Variants in CLRN1 observed in about 807,000 individuals in gnomAD.
CLRN1 encodes clarin-1.
In CLRN1, 15 loss-of-function variants were observed where a neutral mutation model predicts 18.7. The ratio of observed to expected loss-of-function variants is 0.80; its 90% CI spans 0.54 to 1.23. CLRN1 has a LOEUF of 1.23. Among genes scored for constraint, CLRN1 ranks in the 50% most tolerant of loss-of-function variants. The pLI, the probability that CLRN1 is intolerant of heterozygous loss-of-function variation, is 0.00. For missense variants in CLRN1, 311 were observed against 277.5 expected (o/e 1.12, Z -0.86); for synonymous variants, 104 against 102.9 (o/e 1.01, Z -0.07).
chr3:150,933,058 C>T (rs1320901557), intron 2 of CLRN1, among the ~76,000 whole-genome samples: 2 of 152,172 alleles, frequency 1.3e-5, no homozygotes, highest in Non-Finnish European at 2.9e-5. Context: ...CAATGTTTAT[C>T]TAATTTGAAT....
intron 2 of CLRN1, among the ~76,000 whole-genome samples, chr3:150,934,765 C>T (rs977154489): frequency 6.6e-6 from 1 of 152,146 alleles, no homozygotes; most frequent in African/African-American, 2.4e-5. Flanking sequence ...ATACTCAGCT[C>T]CCTCTTTTTT....
intron 1 of CLRN1, among the ~76,000 whole-genome samples, chr3:150,962,131 C>A (rs1209512773): frequency 2.6e-5 from 4 of 152,178 alleles, no homozygotes; most frequent in Non-Finnish European, 5.9e-5. Context: ...TAACAGGACC[C>A]ATTTAACTGC....
intron 2 of CLRN1, among the ~76,000 whole-genome samples, chr3:150,937,102 A>G (rs992564119): frequency 6.6e-6 from 1 of 152,190 alleles, no homozygotes; most frequent in Admixed American, 6.6e-5. Context: ...GATTTTTAAA[A>G]GGTGTCTGAT....
chr3:150,954,866 T>C (rs1714661645), intron 1 of CLRN1, among the ~76,000 whole-genome samples: 1 of 152,230 alleles, frequency 6.6e-6, no homozygotes, highest in African/African-American at 2.4e-5. Flanking sequence ...AAACTGAACA[T>C]AGACTTAACA....
At chr3:150,929,275 G>T (rs1417532570) in intron 2 of CLRN1, among the ~76,000 whole-genome samples, 6 of 152,198 alleles carry the variant, frequency 3.9e-5, no homozygotes, top group South Asian at 2.1e-4. Flanking sequence ...TCTGGTGAGT[G>T]TCTCCCCCGA....
At position 150,941,684 on chromosome 3, in the gene CLRN1, A is replaced by T. The variant is rs2107951195; in HGVS notation, c.331T>A (p.Leu111Ile). The T allele has an allele frequency of 6.2e-7, 1 of 1,614,072 alleles. No homozygotes were observed. The highest frequency in any genetic ancestry group is 1.7e-5 in the Admixed American group (1 of 60,022). ...VILFSAILIVLTMVGTAFFMY... is the reference protein window; with the variant it reads ...VILFSAILIVITMVGTAFFMY... ...AAGAAGGCTGTCCCCACCATGGTTA[A>T]CACAATAAGGATGGCAGAGAAGAGA... The change falls in exon 2 of 3, where the codon TTA becomes ATA. Residue 111 changes from leucine to isoleucine, a missense_variant. Coordinates refer to ENST00000327047, the MANE Select transcript of CLRN1 (RefSeq NM_174878.3).
chr3:150,964,562 C>A (rs915152826), intron 1 of CLRN1, among the ~76,000 whole-genome samples: 1 of 152,136 alleles, frequency 6.6e-6, no homozygotes, highest in Admixed American at 6.5e-5. Context: ...TGGGTCTATA[C>A]CCAAAGGATT....
chr3:150,942,520 T>C (rs767520109), intron 1 of CLRN1: 75 of 418,018 alleles, frequency 1.8e-4, no homozygotes, highest in Non-Finnish European at 3.2e-4. Context: ...CCCAAACATG[T>C]ATCAAGTGCT....
chr3:150,962,802 T>C (rs1715097288), intron 1 of CLRN1, among the ~76,000 whole-genome samples: 1 of 152,210 alleles, frequency 6.6e-6, no homozygotes, highest in South Asian at 2.1e-4. Flanking sequence ...AACCCAAAGA[T>C]TGATCATAAG....
rs113531568 is a variant in CLRN1 at position 150,969,111 on chromosome 3, G to GA, written c.253+3344dup. Among the ~76,000 whole-genome samples the GA allele has an allele frequency of 3.3e-3, 447 of 136,632 alleles. 2 individuals are homozygous for GA. Among genetic ancestry groups the GA allele is most frequent in the South Asian group, 7.3e-3 (32 of 4,374 alleles). 89.6% of individuals were successfully genotyped at this position (136,632 alleles called of 152,430 possible). The stretch of plus-strand genomic sequence containing the variant: ...CTCTAGATTTCCAAGACAGCGTCAA[G>GA]AAAAAAAAAAACAATGTAAAACATC... On this transcript the variant is annotated intron_variant, in intron 1 of 2. Coordinates refer to ENST00000327047, the MANE Select transcript of CLRN1 (RefSeq NM_174878.3).
chr3:150,961,190 G>A (rs975640009), intron 1 of CLRN1, among the ~76,000 whole-genome samples: 1 of 152,116 alleles, frequency 6.6e-6, no homozygotes, highest in Non-Finnish European at 1.5e-5. Context: ...CCTCCTCCTT[G>A]TGGCTTCTGC....
intron 1 of CLRN1, among the ~76,000 whole-genome samples, chr3:150,942,222 G>T (rs2107952301): frequency 6.6e-6 from 1 of 152,056 alleles, no homozygotes; most frequent in Middle Eastern, 3.4e-3. Flanking sequence ...ATTGTTTCTA[G>T]TCTACACCAA....
chr3:150,972,780 C>G, upstream of CLRN1: 1 of 1,600,262 alleles, frequency 6.2e-7, no homozygotes, highest in Non-Finnish European at 8.5e-7. Context: ...GGGACTGCCT[C>G]TTTGACTGCA....
chr3:150,940,279 T>C (rs1020201492), intron 2 of CLRN1, among the ~76,000 whole-genome samples: 4 of 152,174 alleles, frequency 2.6e-5, no homozygotes, highest in African/African-American at 7.2e-5. Flanking sequence ...CTACATTGGA[T>C]GGGTGAATAA....
In CLRN1 at chr3:150,953,392, T is replaced by C. The variant is rs573181561; in HGVS notation, c.254-11631A>G. Among the ~76,000 whole-genome samples, 26 of 152,238 alleles carry C rather than the reference T, an allele frequency of 1.7e-4. No homozygotes were observed. In the East Asian group the frequency reaches 4.8e-3, roughly 28 times the overall value. ...TTCACTCTGAGTCAATGTGTCTCGGTCTCCTCATACTTAAACCATCCCAGA... is the reference window on the plus strand; with the variant it reads ...TTCACTCTGAGTCAATGTGTCTCGGCCTCCTCATACTTAAACCATCCCAGA... On this transcript the variant is annotated intron_variant, in intron 1 of 2. Transcript: ENST00000327047.
intron 1 of CLRN1, among the ~76,000 whole-genome samples, chr3:150,967,000 C>A (rs1325043672): frequency 6.6e-6 from 1 of 152,200 alleles, no homozygotes; most frequent in African/African-American, 2.4e-5. Flanking sequence ...GATGCAAGAA[C>A]TGAAAATCAA....
chr3:150,960,251 A>G (rs1178351723), intron 1 of CLRN1, among the ~76,000 whole-genome samples: 1 of 152,186 alleles, frequency 6.6e-6, no homozygotes, highest in Non-Finnish European at 1.5e-5. Context: ...GTAATTGTCT[A>G]AATATTTTTA....
rs1476471761 is a variant in CLRN1 at position 150,927,730 on chromosome 3, C to T, written c.*206G>A. On this transcript the variant is annotated 3_prime_UTR_variant, in exon 3 of 3. Coordinates refer to ENST00000327047, the MANE Select transcript of CLRN1 (RefSeq NM_174878.3). ...TTTGACTACCTGGGTCAAGCAATTT[C>T]CCACCAGATAAAACAACTTTTCAAA... 1.4e-6 allele frequency: 1 copy of T among 728,674 alleles called. No homozygotes were observed. Among genetic ancestry groups the T allele is most frequent in the Non-Finnish European group, 2.4e-6 (1 of 417,090 alleles). 45.1% of individuals were successfully genotyped at this position (728,674 alleles called of 1,614,324 possible).
At chr3:150,932,065 T>C (rs1713185855) in intron 2 of CLRN1, among the ~76,000 whole-genome samples, 1 of 152,152 alleles carries the variant, frequency 6.6e-6, no homozygotes. Flanking sequence ...TTTCTTCCTT[T>C]TAATGACTTT....
Sources: gnomAD v4.1 joint callset for allele counts (sites outside exome capture counted in the v4.1 genomes callset) on GRCh38, gnomAD v4.1.1 for gene constraint, MANE v1.5 for transcripts, NCBI Gene and HGNC (gene_info 2026-07-23, HGNC 2026-07-21) for gene names.